ASIC2: variants seen among roughly 807,000 people sequenced by gnomAD.
ASIC2 encodes the protein acid-sensing ion channel 2.
In ASIC2, 25 loss-of-function variants were observed where a neutral mutation model predicts 57.3. That is an observed-to-expected ratio of 0.44 (90% CI 0.32 to 0.61). The LOEUF is 0.61. Among genes scored for constraint, ASIC2 ranks in the 20% least tolerant of loss-of-function variants. The probability of loss-of-function intolerance (pLI) is 0.06; values close to 1 mark genes in which losing one functional copy is unlikely to be tolerated. For synonymous variants in ASIC2, 319 were observed against 307.5 expected (o/e 1.04, Z -0.39); for missense variants, 641 against 738.1 (o/e 0.87, Z 1.52).
chr17:33,840,126 G>A (rs182986638), intron 1 of ASIC2, among the ~76,000 whole-genome samples: 10 of 152,204 alleles, frequency 6.6e-5, no homozygotes, highest in Admixed American at 5.9e-4. Context: ...CTAGTTTCTG[G>A]CTTATATATT....
chr17:34,034,230 C>G (rs1022293656), intron 1 of ASIC2, among the ~76,000 whole-genome samples: 9 of 152,068 alleles, frequency 5.9e-5, no homozygotes, highest in African/African-American at 1.9e-4. Context: ...TAAATGTAAT[C>G]CAGCATATAA....
At chr17:34,106,240 T>A (rs545115800) in intron 1 of ASIC2, among the ~76,000 whole-genome samples, 224 of 152,314 alleles carry the variant, frequency 1.5e-3, no homozygotes, top group African/African-American at 5.0e-3. Flanking sequence ...TCATTGGTGA[T>A]GTTAATTTGA....
chr17:33,699,337 G>A (rs1302087387), intron 1 of ASIC2, among the ~76,000 whole-genome samples: 1 of 152,174 alleles, frequency 6.6e-6, no homozygotes, highest in Non-Finnish European at 1.5e-5. Flanking sequence ...CACATGGGGT[G>A]CCTGCTGAAC....
intron 1 of ASIC2, among the ~76,000 whole-genome samples, chr17:33,526,057 T>C (rs1008806105): frequency 1.3e-5 from 2 of 152,166 alleles, no homozygotes; most frequent in Non-Finnish European, 2.9e-5. Context: ...TAGAATAATA[T>C]GGTGACCAAA....
intron 1 of ASIC2, among the ~76,000 whole-genome samples, chr17:33,790,301 G>C (rs1220075461): frequency 2.0e-5 from 3 of 152,120 alleles, no homozygotes; most frequent in African/African-American, 7.2e-5. Context: ...AACTATGCTA[G>C]ACAAAAGACT....
At chr17:33,312,147 T>C (rs2142206181) in intron 1 of ASIC2, among the ~76,000 whole-genome samples, 1 of 152,352 alleles carries the variant, frequency 6.6e-6, no homozygotes, top group East Asian at 1.9e-4. Flanking sequence ...GTGGAGTTAA[T>C]AATATTGATA....
chr17:33,755,639 G>C (rs913132280), intron 1 of ASIC2, among the ~76,000 whole-genome samples: 1 of 152,202 alleles, frequency 6.6e-6, no homozygotes, highest in Non-Finnish European at 1.5e-5. Context: ...ACTGTGCTCT[G>C]TTTGGGACAT....
chr17:33,962,114 A>T (rs547359759), intron 1 of ASIC2, among the ~76,000 whole-genome samples: 1 of 152,312 alleles, frequency 6.6e-6, no homozygotes, highest in South Asian at 2.1e-4. Flanking sequence ...CCCATGAACA[A>T]GTCCAGTTCT....
At chr17:33,452,558 C>T (rs949671968) in intron 1 of ASIC2, among the ~76,000 whole-genome samples, 5 of 152,142 alleles carry the variant, frequency 3.3e-5, no homozygotes, top group African/African-American at 1.2e-4. Context: ...GTCACTGTTT[C>T]TCATGTGCTT....
chr17:33,830,372 C>T (rs947664959), intron 1 of ASIC2, among the ~76,000 whole-genome samples: 4 of 152,062 alleles, frequency 2.6e-5, no homozygotes, highest in Non-Finnish European at 4.4e-5. Context: ...TAAAAGTGGG[C>T]CCTTCACCTG....
At chr17:33,327,815 A>C (rs1907137807) in intron 1 of ASIC2, among the ~76,000 whole-genome samples, 1 of 152,200 alleles carries the variant, frequency 6.6e-6, no homozygotes, top group Admixed American at 6.5e-5. Context: ...GCCGTTGCAG[A>C]CGTTATCAAG....
At chr17:33,643,735 T>C (rs932334445) in intron 1 of ASIC2, among the ~76,000 whole-genome samples, 2 of 152,216 alleles carry the variant, frequency 1.3e-5, no homozygotes, top group African/African-American at 2.4e-5. Context: ...TGTAAAACAC[T>C]GAACAGAGCT....
chr17:33,400,439 A>G (rs549488837), intron 1 of ASIC2, among the ~76,000 whole-genome samples: 5 of 152,204 alleles, frequency 3.3e-5, no homozygotes, highest in Non-Finnish European at 7.3e-5. Flanking sequence ...GGAAGGAGCT[A>G]AAGAGAAATG....
intron 1 of ASIC2, among the ~76,000 whole-genome samples, chr17:33,398,074 G>T (rs192503307): frequency 1.3e-5 from 2 of 152,260 alleles, no homozygotes; most frequent in Admixed American, 1.3e-4. Flanking sequence ...CTCTTTCCTT[G>T]GTGTCCTGAC....
At chr17:33,020,224 T>G (rs1268768584) in intron 7 of ASIC2, among the ~76,000 whole-genome samples, 1 of 152,158 alleles carries the variant, frequency 6.6e-6, no homozygotes, top group Non-Finnish European at 1.5e-5. Flanking sequence ...CAGAAACTAC[T>G]ATTTATGGAC....
chr17:33,413,755 T>C (rs544500995), intron 1 of ASIC2, among the ~76,000 whole-genome samples: 1 of 152,372 alleles, frequency 6.6e-6, no homozygotes, highest in Admixed American at 6.5e-5. Flanking sequence ...TCAAATATTC[T>C]TTCTCAGAGA....
chr17:34,108,388 G>C (rs28369322), intron 1 of ASIC2, among the ~76,000 whole-genome samples: 27,005 of 151,512 alleles, frequency 0.18, 3,030 homozygotes, highest in African/African-American at 0.32. Context: ...ATTTTTCCTT[G>C]TGATTTCTTA....
At chr17:33,223,465 G>A (rs1266326333) in intron 1 of ASIC2, among the ~76,000 whole-genome samples, 5 of 152,250 alleles carry the variant, frequency 3.3e-5, no homozygotes, top group Admixed American at 6.5e-5. Context: ...TTACAGGCGT[G>A]AGCCACCATG....
intron 1 of ASIC2, among the ~76,000 whole-genome samples, chr17:33,641,697 T>C (rs1283530827): frequency 1.3e-5 from 2 of 152,164 alleles, no homozygotes; most frequent in African/African-American, 2.4e-5. Flanking sequence ...AGGATACCCC[T>C]TGAAGATACC....
Sources: gnomAD v4.1 joint callset for allele counts (sites outside exome capture counted in the v4.1 genomes callset) on GRCh38, gnomAD v4.1.1 for gene constraint, MANE v1.5 for transcripts, NCBI Gene and HGNC (gene_info 2026-07-23, HGNC 2026-07-21) for gene names.